OSBPL10: variants seen among roughly 807,000 people sequenced by gnomAD.
OSBPL10 encodes the protein oxysterol-binding protein-related protein 10.
OSBPL10 carries 49 observed loss-of-function variants against 81.7 expected under a neutral mutation model. The observed-to-expected ratio is 0.60, with a 90% confidence interval of 0.48 to 0.76. The LOEUF (loss-of-function observed/expected upper bound fraction) is 0.76. Among genes scored for constraint, OSBPL10 ranks in the 30% least tolerant of loss-of-function variants. The pLI is 0.00. For synonymous variants in OSBPL10, 419 were observed against 383.6 expected, an observed-to-expected ratio of 1.09 and a Z score of -1.08; for missense variants, 923 against 987.8, an observed-to-expected ratio of 0.93 and a Z score of 0.88.
intron 6 of OSBPL10, among the ~76,000 whole-genome samples, chr3:31,732,186 AGCAAAT>A (rs1675469485): frequency 6.6e-6 from 1 of 152,220 alleles, no homozygotes. Context: ...GTACATACAG[AGCAAAT>A]GCCTTTCAAA....
chr3:31,989,693 A>T, intron 2 of OSBPL10: 2 of 1,613,978 alleles, frequency 1.2e-6, no homozygotes, highest in Non-Finnish European at 1.7e-6. Context: ...CATATTTCTA[A>T]TAACTATGAA....
chr3:31,797,571 G>A (rs1699262929), intron 4 of OSBPL10, among the ~76,000 whole-genome samples: 1 of 152,260 alleles, frequency 6.6e-6, no homozygotes, highest in Non-Finnish European at 1.5e-5. Flanking sequence ...GAAAAATGAA[G>A]CTGAATCAGG....
Position 31,957,001 on chromosome 3 carries a change from G to A in OSBPL10, c.281+23898C>T, listed in dbSNP as rs140665089. Among the ~76,000 whole-genome samples, 428 of 152,124 alleles carry A rather than the reference G, an allele frequency of 2.8e-3. 3 individuals are homozygous for A. The highest frequency in any genetic ancestry group is 9.8e-3 in the African/African-American group (405 of 41,524). On this transcript the variant is annotated intron_variant, in intron 1 of 11. Transcript: ENST00000396556. ...TACAAAAAAGTTATCTGGATGTGGT[G>A]GTACACACCTGTGGTCCCAGCTATT...
chr3:32,013,090 G>T (rs56915831), intron 2 of OSBPL10, among the ~76,000 whole-genome samples: 1 of 151,950 alleles, frequency 6.6e-6, no homozygotes, highest in African/African-American at 2.4e-5. Flanking sequence ...TGCACCAAGC[G>T]GACCTAATAG....
At chr3:31,833,699 GCACACGCACA>G (rs1432424192) in intron 3 of OSBPL10, among the ~76,000 whole-genome samples, 4 of 118,830 alleles carry the variant, frequency 3.4e-5, no homozygotes, top group African/African-American at 1.1e-4. Context: ...ACACGCACAC[GCACACGCACA>G]CACACACACA....
intron 3 of OSBPL10, among the ~76,000 whole-genome samples, chr3:31,871,184 C>T (rs1261347624): frequency 2.6e-5 from 4 of 152,186 alleles, no homozygotes; most frequent in Non-Finnish European, 4.4e-5. Context: ...TGCTACTGCT[C>T]ACTCTTTGGG....
chr3:32,072,144 C>G lies in OSBPL10; in HGVS notation n.185+5252G>C, dbSNP rs1187305677. On this transcript the variant is annotated intron_variant and non_coding_transcript_variant, in intron 1 of 3. Transcript: ENST00000479173. The stretch of plus-strand genomic sequence containing the variant: ...TGACTCTAAATATGCCTTCCATATC[C>G]TGCACCACCATGCTGTTATATGGGC... Among the ~76,000 whole-genome samples, 3 of 152,200 alleles carry G rather than the reference C, an allele frequency of 2.0e-5. No individual in the cohort carries two copies. The East Asian group carries it at 5.8e-4, about 29-fold the overall frequency.
rs140643780 is a variant in OSBPL10, at chr3:32,024,145, C to T, written n.298+22346G>A. On this transcript the variant is annotated intron_variant and non_coding_transcript_variant, in intron 2 of 3. Transcript: ENST00000479173. ...ATTTTGACATTGAGTTGTATAAGTT[C>T]TCCAGTGTCATTCTTCCTTCTCAAA... Among the ~76,000 whole-genome samples the T allele has an allele frequency of 1.5e-3, 234 of 152,230 alleles. 1 individual carries two copies. Among genetic ancestry groups the T allele is most frequent in the African/African-American group, 5.2e-3 (214 of 41,544 alleles).
At chr3:31,906,872 A>C (rs1422060967) in intron 1 of OSBPL10, 1 of 152,244 alleles carries the variant, frequency 6.6e-6, no homozygotes, top group African/African-American at 2.4e-5. Flanking sequence ...ATTTTGAAAA[A>C]CTGTCACTGA....
At chr3:31,671,295 C>A (rs1700317873) in intron 8 of OSBPL10, among the ~76,000 whole-genome samples, 1 of 152,128 alleles carries the variant, frequency 6.6e-6, no homozygotes, top group South Asian at 2.1e-4. Flanking sequence ...CAATGGAGGC[C>A]TCCAACAGGA....
At chr3:31,930,203 T>C (rs1344321866) in intron 1 of OSBPL10, among the ~76,000 whole-genome samples, 1 of 151,954 alleles carries the variant, frequency 6.6e-6, no homozygotes, top group Non-Finnish European at 1.5e-5. Flanking sequence ...CAGATAAGGA[T>C]ATATATACAT....
At chr3:31,993,681 T>TACGC (rs1553647720) in intron 2 of OSBPL10, among the ~76,000 whole-genome samples, 31 of 147,312 alleles carry the variant, frequency 2.1e-4, no homozygotes, top group African/African-American at 7.5e-4. Context: ...TACACACACA[T>TACGC]ACACACACAC....
chr3:31,765,740 G>T (rs1475911207), intron 4 of OSBPL10, among the ~76,000 whole-genome samples: 5 of 152,148 alleles, frequency 3.3e-5, no homozygotes, highest in African/African-American at 9.7e-5. Flanking sequence ...GTAGGACCAG[G>T]TTTGGGTTTT....
chr3:31,988,884 G>A (rs897364487), intron 2 of OSBPL10: 1 of 661,350 alleles, frequency 1.5e-6, no homozygotes. Flanking sequence ...AACCCAGAGA[G>A]ACACTGAGCC....
chr3:31,961,426 T>C (rs1698156485), intron 1 of OSBPL10, among the ~76,000 whole-genome samples: 1 of 152,158 alleles, frequency 6.6e-6, no homozygotes. Flanking sequence ...TAAAGTATCA[T>C]TAAAAAGGCT....
intron 2 of OSBPL10, among the ~76,000 whole-genome samples, chr3:32,026,660 C>T (rs76245809): frequency 6.6e-6 from 1 of 152,318 alleles, no homozygotes; most frequent in East Asian, 1.9e-4. Flanking sequence ...TTACCTTTTG[C>T]CTAGTGAACC....
chr3:31,837,557 G>A (rs1700391111), intron 3 of OSBPL10, among the ~76,000 whole-genome samples: 2 of 149,072 alleles, frequency 1.3e-5, no homozygotes, highest in African/African-American at 4.9e-5. Context: ...TTTAATATTA[G>A]AAACAAGAAT....
At chr3:32,024,321 G>A (rs2122853) in intron 2 of OSBPL10, among the ~76,000 whole-genome samples, 103,482 of 151,910 alleles carry the variant, frequency 0.68, 38,052 homozygotes, top group South Asian at 0.85. Context: ...TAACAAAGTT[G>A]AGTCTTCCAA....
At chr3:31,871,015 G>A (rs945767212) in intron 3 of OSBPL10, among the ~76,000 whole-genome samples, 5 of 152,212 alleles carry the variant, frequency 3.3e-5, no homozygotes, top group Non-Finnish European at 7.4e-5. Context: ...ACCAATCAGC[G>A]CCCTGTCAAA....
Sources: gnomAD v4.1 joint callset for allele counts (sites outside exome capture counted in the v4.1 genomes callset) on GRCh38, gnomAD v4.1.1 for gene constraint, MANE v1.5 for transcripts, NCBI Gene and HGNC (gene_info 2026-07-23, HGNC 2026-07-21) for gene names.